Variants in TENM4 observed in about 807,000 individuals in gnomAD.
TENM4 encodes the protein teneurin transmembrane protein 4, also known as teneurin-4.
TENM4 carries 82 observed loss-of-function variants against 243.3 expected under a neutral mutation model. The observed-to-expected ratio is 0.34, with a 90% CI of 0.28 to 0.40. The LOEUF (loss-of-function observed/expected upper bound fraction) is 0.40, where lower values mean the gene tolerates loss of function less well. Ranked by LOEUF, TENM4 falls within the 10% of genes least tolerant of loss-of-function variation. TENM4 has a pLI of 1.00. For missense variants in TENM4, 3,138 were observed against 3,673.3 expected (o/e 0.85, Z 3.77); for synonymous variants, 1,412 against 1,456.3 (o/e 0.97, Z 0.69).
rs142313861 is a variant in TENM4, at chr11:78,725,044, T to C, written c.3550+1035A>G. On this transcript the variant is annotated intron_variant, in intron 23 of 33. Transcript: ENST00000278550. ...GCAAACTTTATTTCCAATTCAGTTA[T>C]TTTGGCTTTTCTGAAACTTGGGGCC... Among the ~76,000 whole-genome samples, 185 of 152,342 alleles carry C rather than the reference T, an allele frequency of 1.2e-3. 1 individual carries two copies. The highest frequency in any genetic ancestry group is 4.4e-3 in the African/African-American group (181 of 41,574).
At chr11:79,156,370 G>T (rs566190951) in intron 3 of TENM4, among the ~76,000 whole-genome samples, 2 of 152,356 alleles carry the variant, frequency 1.3e-5, no homozygotes, top group East Asian at 3.9e-4. Context: ...CCCTGTTCAC[G>T]TTGTGTGTAA....
intron 6 of TENM4, among the ~76,000 whole-genome samples, chr11:78,968,043 G>T (rs1466074017): frequency 6.6e-6 from 1 of 152,188 alleles, no homozygotes; most frequent in African/African-American, 2.4e-5. Flanking sequence ...ATGACGTGGT[G>T]CCCTCCCCCT....
rs144865169 is a variant in TENM4 at position 79,072,100 on chromosome 11, G to A, written c.-65-2091C>T. On this transcript the variant is annotated intron_variant, in intron 4 of 33. Coordinates refer to ENST00000278550, the MANE Select transcript of TENM4 (RefSeq NM_001098816.3). ...CTGGCAAGATGATAGTCCTCTGAGT[G>A]TCTGAGAAGCAGGACCACAAGGGAA... 2.3e-4 allele frequency among the ~76,000 whole-genome samples: 35 copies of A among 152,300 alleles called. No individual in the cohort carries two copies. The East Asian group carries it at 6.5e-3, about 28-fold the overall frequency.
In TENM4 at chr11:78,688,218, C is replaced by T; in HGVS notation, c.5096G>A (p.Ser1699Asn). 6.2e-7 allele frequency: 1 copy of T among 1,612,890 alleles called. No homozygotes were observed. Among genetic ancestry groups the T allele is most frequent in the Non-Finnish European group, 8.5e-7 (1 of 1,179,268 alleles). Residue 1699 changes from serine to asparagine, a missense_variant, in exon 29 of 34, where the codon AGC becomes AAC. Physicochemically the swap from Ser to Asn is conservative, Grantham distance 46 (BLOSUM62 1). Around this residue, in one of 2 missense-constraint regions of TENM4, gnomAD observed 2,467 missense variants for 3,059.1 expected, o/e 0.81. Coordinates refer to ENST00000278550, the MANE Select transcript of TENM4 (RefSeq NM_001098816.3). ...GGTCACATTTGTCAGGCGGCCAAAG[C>T]TGTCGTACCTGGAAACCAAGGGGTG... ...NGWTTFYEYD[S>N]FGRLTNVTFP... is the part of the protein sequence containing the mutation.
chr11:79,057,397 T>C (rs1591247634), intron 6 of TENM4, among the ~76,000 whole-genome samples: 2 of 152,064 alleles, frequency 1.3e-5, no homozygotes, highest in Admixed American at 1.3e-4. Context: ...TCTCCCAAGA[T>C]TGTTTTACTT....
At chr11:78,845,913 C>T (rs1858381596) in intron 12 of TENM4, among the ~76,000 whole-genome samples, 1 of 152,094 alleles carries the variant, frequency 6.6e-6, no homozygotes, top group South Asian at 2.1e-4. Flanking sequence ...GGAGTGAGTA[C>T]CAGGTTAGAG....
rs562886629 is a variant in TENM4 at position 79,227,101 on chromosome 11, G to C, written c.-264-11192C>G. Among the ~76,000 whole-genome samples, 5 of 152,232 alleles carry C rather than the reference G, an allele frequency of 3.3e-5. No individual in the cohort carries two copies. In the South Asian group the frequency reaches 6.2e-4, roughly 19 times the overall value. ...TTGGAGATGAGCAGACAGCAGCCAGGGTATCTTCACCTCTTACTTTGTCTT... is the reference window on the plus strand; with the variant it reads ...TTGGAGATGAGCAGACAGCAGCCAGCGTATCTTCACCTCTTACTTTGTCTT... On this transcript the variant is annotated intron_variant, in intron 2 of 33. Transcript: ENST00000278550.
At chr11:78,758,670 C>T (rs1856366094) in intron 18 of TENM4, among the ~76,000 whole-genome samples, 2 of 152,202 alleles carry the variant, frequency 1.3e-5, no homozygotes, top group South Asian at 4.1e-4. Context: ...CTCAGGTAAG[C>T]TACTTGATTG....
At chr11:78,805,166 G>C in intron 15 of TENM4, 126 bp downstream of exon 15, 1 of 591,246 alleles carries the variant, frequency 1.7e-6, no homozygotes, top group South Asian at 2.6e-5. Context: ...TTCAGAGAAA[G>C]AGGAAAAGCA....
At chr11:79,416,834 A>G (rs1272455034) in intron 1 of TENM4, among the ~76,000 whole-genome samples, 1 of 151,996 alleles carries the variant, frequency 6.6e-6, no homozygotes, top group Non-Finnish European at 1.5e-5. Context: ...TGCGTCTTCT[A>G]TCTCAGGTAC....
intron 6 of TENM4, among the ~76,000 whole-genome samples, chr11:78,965,371 C>A (rs374374619): frequency 6.6e-6 from 1 of 152,074 alleles, no homozygotes; most frequent in Non-Finnish European, 1.5e-5. Context: ...TTCTGTCTAC[C>A]AGGCCACATG....
At chr11:79,038,741 C>T (rs1302815069) in intron 6 of TENM4, among the ~76,000 whole-genome samples, 1 of 152,238 alleles carries the variant, frequency 6.6e-6, no homozygotes, top group Non-Finnish European at 1.5e-5. Flanking sequence ...TGGGCACTAA[C>T]TGCAGAAGTT....
At chr11:78,758,109 G>A (rs913035675) in intron 18 of TENM4, among the ~76,000 whole-genome samples, 1 of 152,158 alleles carries the variant, frequency 6.6e-6, no homozygotes, top group Non-Finnish European at 1.5e-5. Flanking sequence ...AAAAGCCCAG[G>A]GGTACAGTCT....
chr11:78,962,955 T>C (rs1022382684), intron 6 of TENM4, among the ~76,000 whole-genome samples: 1 of 152,252 alleles, frequency 6.6e-6, no homozygotes, highest in Non-Finnish European at 1.5e-5. Context: ...GAATCTCACA[T>C]TTTATGATTC....
In TENM4 at chr11:79,419,345, G is replaced by A. The variant is rs553904283; in HGVS notation, c.-321+21164C>T. ...AACCACCAGAGCACTTGGGAACAGG[G>A]CAGTCGAGCTGTTCACACCCACAGG... On this transcript the variant is annotated intron_variant, in intron 1 of 33. Transcript: ENST00000278550. 2.0e-5 allele frequency among the ~76,000 whole-genome samples: 3 copies of A among 152,270 alleles called. No individual in the cohort carries two copies. The East Asian group carries it at 5.8e-4, about 29-fold the overall frequency.
chr11:78,693,942 G>A (rs1428270255), intron 28 of TENM4, among the ~76,000 whole-genome samples: 1 of 152,082 alleles, frequency 6.6e-6, no homozygotes, highest in Non-Finnish European at 1.5e-5. Context: ...TTGAACCCGG[G>A]AGACAGAGGT....
chr11:78,932,584 G>A (rs1856694071), intron 6 of TENM4, among the ~76,000 whole-genome samples: 1 of 152,158 alleles, frequency 6.6e-6, no homozygotes. Flanking sequence ...AAAATTCTCT[G>A]TTGCAGTTTC....
chr11:79,345,659 A>G (rs866957857), intron 1 of TENM4, among the ~76,000 whole-genome samples: 4 of 152,324 alleles, frequency 2.6e-5, no homozygotes, highest in African/African-American at 9.6e-5. Flanking sequence ...AGGTAAGCTT[A>G]TCTCTCTGAA....
intron 8 of TENM4, among the ~76,000 whole-genome samples, chr11:78,890,634 T>G (rs1855641866): frequency 6.6e-6 from 1 of 152,226 alleles, no homozygotes; most frequent in African/African-American, 2.4e-5. Flanking sequence ...CAAAGCACTC[T>G]GTCCAGAAGC....
Sources: gnomAD v4.1 joint callset for allele counts (sites outside exome capture counted in the v4.1 genomes callset) on GRCh38, gnomAD v4.1.1 for gene constraint, gnomAD v4.1.1 regional missense constraint, MANE v1.5 for transcripts, NCBI Gene and HGNC (gene_info 2026-07-23, HGNC 2026-07-21) for gene names.